Variants in DSCAM observed in about 807,000 individuals in gnomAD.
DSCAM encodes DS cell adhesion molecule, also known as cell adhesion molecule DSCAM.
DSCAM carries 47 observed loss-of-function variants against 217.7 expected under a neutral mutation model. The ratio of observed to expected loss-of-function variants is 0.22; its 90% CI spans 0.17 to 0.28. The LOEUF is 0.28. Among genes scored for constraint, DSCAM ranks in the 10% least tolerant of loss-of-function variants. The probability of loss-of-function intolerance (pLI) is 1.00; values close to 1 mark genes in which losing one functional copy is unlikely to be tolerated. For missense variants in DSCAM, 2,080 were observed against 2,618.3 expected (o/e 0.79, Z 4.49); for synonymous variants, 1,056 against 1,015.3 (o/e 1.04, Z -0.76).
chr21:40,785,087 G>C (rs2091581136), intron 1 of DSCAM, among the ~76,000 whole-genome samples: 1 of 152,290 alleles, frequency 6.6e-6, no homozygotes, highest in African/African-American at 2.4e-5. Flanking sequence ...TTTAGAAGTA[G>C]AGACCAATAC....
rs146038850 is a variant in DSCAM at position 40,560,687 on chromosome 21, T to C, written c.508+132123A>G. ...TCAGAACACTCACATTAGCCTACAG[T>C]TGGGCAAAATCACATCCAAAAAAAG... On this transcript the variant is annotated intron_variant, in intron 3 of 32. Coordinates refer to ENST00000400454, the MANE Select transcript of DSCAM (RefSeq NM_001389.5). Among the ~76,000 whole-genome samples, 77 of 152,330 alleles carry C rather than the reference T, an allele frequency of 5.1e-4. 1 individual carries two copies. In the East Asian group the frequency reaches 0.013, roughly 27 times the overall value.
chr21:40,387,383 C>T (rs1213654806), intron 3 of DSCAM, among the ~76,000 whole-genome samples: 1 of 151,774 alleles, frequency 6.6e-6, no homozygotes, highest in African/African-American at 2.4e-5. Flanking sequence ...AAAAAAACAG[C>T]CTTTGCAAAT....
chr21:40,022,827 T>C (rs1191204346), intron 32 of DSCAM, among the ~76,000 whole-genome samples: 1 of 152,196 alleles, frequency 6.6e-6, no homozygotes, highest in East Asian at 1.9e-4. Flanking sequence ...ACAAGTAATA[T>C]TTACCAAAAG....
At chr21:40,095,929 A>G (rs2146596937) in intron 20 of DSCAM, among the ~76,000 whole-genome samples, 1 of 152,366 alleles carries the variant, frequency 6.6e-6, no homozygotes, top group African/African-American at 2.4e-5. Flanking sequence ...GAAATAAAAA[A>G]TACATTGAAC....
chr21:40,453,040 TTGTGTGTGTGTGTGTG>T (rs3069917), intron 3 of DSCAM, among the ~76,000 whole-genome samples: 19,725 of 134,348 alleles, frequency 0.15, 1,462 homozygotes, highest in South Asian at 0.16. Context: ...TTTAAAGACT[TTGTGTGTGTGTGTGTG>T]TGTGTGTGTG....
chr21:40,431,104 C>A (rs1252684441), intron 3 of DSCAM, among the ~76,000 whole-genome samples: 2 of 152,200 alleles, frequency 1.3e-5, no homozygotes, highest in African/African-American at 4.8e-5. Context: ...AGTTATCCTG[C>A]CACATCTTCA....
rs1006720381 is a variant in DSCAM at position 40,772,271 on chromosome 21, C to A, written c.44-63500G>T. 6.6e-5 allele frequency among the ~76,000 whole-genome samples: 10 copies of A among 152,072 alleles called. 1 individual carries two copies. Among genetic ancestry groups the A allele is most frequent in the Admixed American group, 2.6e-4 (4 of 15,268 alleles). On this transcript the variant is annotated intron_variant, in intron 1 of 32. Transcript: ENST00000400454. The stretch of plus-strand genomic sequence containing the variant: ...GCTACCTCCACCTCCTGGGTGCAAG[C>A]GATTTTCCTGCCTCAGCTTCCTGAG...
At position 40,188,123 on chromosome 21, in the gene DSCAM, C is replaced by CAG. The variant is rs1030627101; in HGVS notation, c.2554-137_2554-136insCT. 5 of 623,602 alleles carry CAG rather than the reference C, an allele frequency of 8.0e-6. No homozygotes were observed. In the African/African-American group the frequency reaches 9.2e-5, roughly 12 times the overall value. 38.6% of individuals were successfully genotyped at this position (623,602 alleles called of 1,614,324 possible). ...ATAGGTACACTCACACACACACACA[C>CAG]ACACTCACAAAACCCCCATTCCTCC... is the stretch of plus-strand genomic sequence containing the variant. On this transcript the variant is annotated intron_variant, in intron 12 of 32. Coordinates refer to ENST00000400454, the MANE Select transcript of DSCAM (RefSeq NM_001389.5).
At position 40,103,492 on chromosome 21, in the gene DSCAM, TC is replaced by T. The variant is rs2089780158; in HGVS notation, c.3697-9619del. ...TGCATTAATTTAAGATTTTTAAAAT[TC>T]TTATGTATAATATATTTTGATCTAA... is the stretch of plus-strand genomic sequence containing the variant. On this transcript the variant is annotated intron_variant, in intron 20 of 32. Coordinates refer to ENST00000400454, the MANE Select transcript of DSCAM (RefSeq NM_001389.5). 2.6e-5 allele frequency among the ~76,000 whole-genome samples: 4 copies of T among 152,276 alleles called. No individual in the cohort carries two copies. In the South Asian group the frequency reaches 8.3e-4, roughly 32 times the overall value.
intron 3 of DSCAM, among the ~76,000 whole-genome samples, chr21:40,400,089 C>T (rs1383805016): frequency 6.6e-6 from 1 of 152,188 alleles, no homozygotes; most frequent in African/African-American, 2.4e-5. Flanking sequence ...ACCTTTCTCC[C>T]TGTTCCGGGA....
At chr21:40,832,567 T>C (rs1386034992) in intron 1 of DSCAM, among the ~76,000 whole-genome samples, 1 of 152,182 alleles carries the variant, frequency 6.6e-6, no homozygotes, top group African/African-American at 2.4e-5. Flanking sequence ...GGAATGGTAA[T>C]ATATGGTATC....
chr21:40,405,292 C>G (rs1264062734), intron 3 of DSCAM, among the ~76,000 whole-genome samples: 2 of 152,122 alleles, frequency 1.3e-5, no homozygotes, highest in Non-Finnish European at 2.9e-5. Context: ...CCTCTGAGAC[C>G]TTGTGTATAT....
At chr21:40,268,765 A>G (rs1364304529) in intron 11 of DSCAM, among the ~76,000 whole-genome samples, 1 of 152,098 alleles carries the variant, frequency 6.6e-6, no homozygotes, top group Non-Finnish European at 1.5e-5. Flanking sequence ...CTTGGCCAAC[A>G]TGGTGAAACC....
chr21:40,453,040 T>TTGTGTGTGTGTG lies in DSCAM; in HGVS notation c.509-83807_509-83796dup, dbSNP rs3069917. 2.6e-3 allele frequency among the ~76,000 whole-genome samples: 356 copies of TTGTGTGTGTGTG among 134,418 alleles called. 2 individuals are homozygous for TTGTGTGTGTGTG. Among genetic ancestry groups the TTGTGTGTGTGTG allele is most frequent in the East Asian group, 0.011 (45 of 4,162 alleles). The allele number at this position is 134,418 out of a possible 152,430, so 88.2% of individuals were successfully genotyped here. A position where few individuals can be genotyped will look rare whatever the true frequency, so the allele number is the denominator to read the frequency against. On this transcript the variant is annotated intron_variant, in intron 3 of 32. Transcript: ENST00000400454. ...CTCTGGTTCCTGAATTTTAAAGACTTTGTGTGTGTGTGTGTGTGTGTGTGT... is the reference window on the plus strand; with the variant it reads ...CTCTGGTTCCTGAATTTTAAAGACTTTGTGTGTGTGTGTGTGTGTGTGTGTGTGTGTGTGTGT...
chr21:40,332,564 C>T (rs998750930), intron 8 of DSCAM, among the ~76,000 whole-genome samples: 12 of 152,166 alleles, frequency 7.9e-5, no homozygotes, highest in Non-Finnish European at 1.3e-4. Flanking sequence ...AATTAGAACA[C>T]GCAATTAAGC....
chr21:40,456,159 C>T (rs1367268843), intron 3 of DSCAM, among the ~76,000 whole-genome samples: 2 of 151,678 alleles, frequency 1.3e-5, no homozygotes, highest in Non-Finnish European at 2.9e-5. Flanking sequence ...AGTATCATTG[C>T]AAGAAGGCTT....
At chr21:40,619,679 G>A (rs149214487) in intron 3 of DSCAM, among the ~76,000 whole-genome samples, 301 of 152,056 alleles carry the variant, frequency 2.0e-3, no homozygotes, top group Middle Eastern at 3.4e-3. Context: ...AGTTTGTTTC[G>A]CCATTGCATC....
rs1057084968 is a variant in DSCAM at position 40,428,616 on chromosome 21, T to A, written c.509-59371A>T. On this transcript the variant is annotated intron_variant, in intron 3 of 32. Coordinates refer to ENST00000400454, the MANE Select transcript of DSCAM (RefSeq NM_001389.5). Reference sequence around the variant, plus strand: ...ATTGTTGAACTGCAGTTATGAGTCTTTTATAGAGTCTAAGACAAGCAAAAA... The same window carrying A: ...ATTGTTGAACTGCAGTTATGAGTCTATTATAGAGTCTAAGACAAGCAAAAA... Among the ~76,000 whole-genome samples the A allele has an allele frequency of 3.9e-5, 6 of 152,186 alleles. No individual in the cohort carries two copies. The South Asian group carries it at 1.2e-3, about 32-fold the overall frequency.
chr21:40,100,590 T>G (rs1051939762), intron 20 of DSCAM, among the ~76,000 whole-genome samples: 9 of 152,094 alleles, frequency 5.9e-5, no homozygotes, highest in African/African-American at 2.2e-4. Context: ...ATTTCCAGAT[T>G]TCGCCTGATA....
Sources: gnomAD v4.1 joint callset for allele counts (sites outside exome capture counted in the v4.1 genomes callset) on GRCh38, gnomAD v4.1.1 for gene constraint, MANE v1.5 for transcripts, NCBI Gene and HGNC (gene_info 2026-07-23, HGNC 2026-07-21) for gene names.